The following SNRPD3 variants were observed in gnomAD, a reference collection of about 807,000 sequenced individuals.
SNRPD3 encodes small nuclear ribonucleoprotein D3 polypeptide.
For synonymous variants in SNRPD3, 66 were observed against 58.4 expected, an observed-to-expected ratio of 1.13 and a Z score of -0.59; for missense variants, 73 against 167.5, an observed-to-expected ratio of 0.44 and a Z score of 3.11.
Position 24,572,103 on chromosome 22 carries a change from T to G in SNRPD3, c.*126T>G. ...TTCTCTTTAGATCAGGGGAAATGTT[T>G]AAGCTAAATAAATCTGGGGGGTTTT... is the stretch of plus-strand genomic sequence containing the variant. On this transcript the variant is annotated 3_prime_UTR_variant, in exon 4 of 4. Transcript: ENST00000215829. 1.3e-6 allele frequency: 2 copies of G among 1,519,472 alleles called. No individual in the cohort carries two copies. The highest frequency in any genetic ancestry group is 1.8e-6 in the Non-Finnish European group (2 of 1,117,184). The allele number at this position is 1,519,472 out of a possible 1,614,324, so 94.1% of individuals were successfully genotyped here. A position where few individuals can be genotyped will look rare whatever the true frequency, so the allele number is the denominator to read the frequency against.
intron 2 of SNRPD3, among the ~76,000 whole-genome samples, chr22:24,559,269 C>T (rs1168444819): frequency 2.0e-5 from 3 of 152,110 alleles, no homozygotes; most frequent in Non-Finnish European, 4.4e-5. Flanking sequence ...GAGAAGTAGA[C>T]CTCTGGTGAC....
At chr22:24,567,531 G>A (rs914954316) in intron 2 of SNRPD3, among the ~76,000 whole-genome samples, 1 of 152,198 alleles carries the variant, frequency 6.6e-6, no homozygotes, top group African/African-American at 2.4e-5. Flanking sequence ...CAGATCACCT[G>A]AGGTCAGGAG....
In SNRPD3 at chr22:24,574,274, C is replaced by T. The variant is rs1450214943; in HGVS notation, c.*2297C>T. On this transcript the variant is annotated 3_prime_UTR_variant, in exon 4 of 4. Transcript: ENST00000215829. ...CACGCAATGGAAACTGGCTATAACC[C>T]TACCTAGATCTGAAAAGTGAAGGGG... Among the ~76,000 whole-genome samples, 6 of 152,350 alleles carry T rather than the reference C, an allele frequency of 3.9e-5. No individual in the cohort carries two copies. The South Asian group carries it at 1.0e-3, about 26-fold the overall frequency.
intron 3 of SNRPD3, 68 bp from the exon 4 acceptor site, chr22:24,571,848 G>A: frequency 6.5e-7 from 1 of 1,541,262 alleles, no homozygotes. Context: ...CTAGGGCCCT[G>A]GCTACTCTGT....
chr22:24,568,369 T>C (rs948900055), intron 3 of SNRPD3, among the ~76,000 whole-genome samples, 193 bp downstream of exon 3: 8 of 151,804 alleles, frequency 5.3e-5, no homozygotes, highest in Admixed American at 5.2e-4. Context: ...TGAGACAGAG[T>C]CTCGCTTTGT....
upstream of SNRPD3, chr22:24,555,845 C>T: frequency 6.5e-7 from 1 of 1,541,062 alleles, no homozygotes. Flanking sequence ...TTTCCGGTGC[C>T]GGAACTATCG....
chr22:24,558,364 T>A (rs147504382), intron 2 of SNRPD3, among the ~76,000 whole-genome samples: 1 of 152,372 alleles, frequency 6.6e-6, no homozygotes, highest in East Asian at 1.9e-4. Flanking sequence ...ACTTTGCCTT[T>A]TGCATAGTCA....
chr22:24,557,375 G>A (rs1027775185), intron 1 of SNRPD3, among the ~76,000 whole-genome samples: 1 of 152,170 alleles, frequency 6.6e-6, no homozygotes. Flanking sequence ...AAGGGACATA[G>A]GGTAGCGGGG....
chr22:24,567,027 G>C (rs1160805117), intron 2 of SNRPD3, among the ~76,000 whole-genome samples: 1 of 152,196 alleles, frequency 6.6e-6, no homozygotes, highest in African/African-American at 2.4e-5. Context: ...TCCTGCCCAA[G>C]TGCCTGCTCT....
Position 24,572,124 on chromosome 22 carries a change from GTT to G in SNRPD3, c.*152_*153del. On this transcript the variant is annotated 3_prime_UTR_variant, in exon 4 of 4. Transcript: ENST00000215829. ...TGTTTAAGCTAAATAAATCTGGGGG[GTT>G]TTTTGTTCTGTTTTGTTTTGTTTTC... The G allele has an allele frequency of 6.9e-7, 1 of 1,445,728 alleles. No homozygotes were observed. Among genetic ancestry groups the G allele is most frequent in the African/African-American group, 1.4e-5 (1 of 70,628 alleles). The allele number at this position is 1,445,728 out of a possible 1,614,324, so 89.6% of individuals were successfully genotyped here. A position where few individuals can be genotyped will look rare whatever the true frequency, so the allele number is the denominator to read the frequency against.
At chr22:24,555,817 C>T (rs761426090), upstream of SNRPD3, 8 of 1,546,738 alleles carry the variant, frequency 5.2e-6, no homozygotes, top group South Asian at 9.5e-5. Context: ...GGCCCCCGGG[C>T]CCAGTCATCA....
intron 2 of SNRPD3, among the ~76,000 whole-genome samples, chr22:24,564,134 C>T (rs1017309303): frequency 1.3e-5 from 2 of 151,976 alleles, no homozygotes; most frequent in Non-Finnish European, 2.9e-5. Context: ...AGTTGGTATT[C>T]GTATTATAGC....
chr22:24,564,635 C>T (rs367986368), intron 2 of SNRPD3, among the ~76,000 whole-genome samples: 1 of 152,178 alleles, frequency 6.6e-6, no homozygotes, highest in Non-Finnish European at 1.5e-5. Context: ...AGTCAGAGGA[C>T]ACTGGACTCT....
chr22:24,565,174 T>C (rs774868719), intron 2 of SNRPD3, among the ~76,000 whole-genome samples: 2 of 151,996 alleles, frequency 1.3e-5, no homozygotes, highest in Admixed American at 6.6e-5. Flanking sequence ...CATGAACCAC[T>C]GTACCTGGCC....
intron 2 of SNRPD3, among the ~76,000 whole-genome samples, chr22:24,559,521 A>G (rs2045112532): frequency 6.6e-6 from 1 of 152,222 alleles, no homozygotes; most frequent in African/African-American, 2.4e-5. Context: ...CGTAACGTGA[A>G]GGTGTCTAAC....
intron 3 of SNRPD3, among the ~76,000 whole-genome samples, chr22:24,570,474 G>A (rs1437767148): frequency 6.6e-6 from 1 of 152,138 alleles, no homozygotes; most frequent in Non-Finnish European, 1.5e-5. Flanking sequence ...CACGAGGTCA[G>A]GAGTTCGAGA....
upstream of SNRPD3, chr22:24,555,838 C>T: frequency 6.5e-7 from 1 of 1,543,112 alleles, no homozygotes; most frequent in East Asian, 2.4e-5. Context: ...GCCCTCTTTT[C>T]CGGTGCCGGA....
chr22:24,556,939 C>G (rs1422365306), intron 1 of SNRPD3, among the ~76,000 whole-genome samples: 1 of 152,200 alleles, frequency 6.6e-6, no homozygotes, highest in African/African-American at 2.4e-5. Context: ...ACAAGCATTT[C>G]CTGCATATAG....
At chr22:24,555,930 G>T, upstream of SNRPD3, 2 of 1,222,026 alleles carry the variant, frequency 1.6e-6, no homozygotes, top group Non-Finnish European at 1.1e-6. Flanking sequence ...CAACACTGGG[G>T]AAAGGAAGGA....
Sources: gnomAD v4.1 joint callset for allele counts (sites outside exome capture counted in the v4.1 genomes callset) on GRCh38, gnomAD v4.1.1 for gene constraint, MANE v1.5 for transcripts, NCBI Gene and HGNC (gene_info 2026-07-23, HGNC 2026-07-21) for gene names.